Variants in COL3A1 observed in about 807,000 individuals in gnomAD.
COL3A1 encodes collagen type III alpha 1 chain, also known as collagen alpha-1(III) chain.
COL3A1 carries 46 observed loss-of-function variants against 200.9 expected under a neutral mutation model. The ratio of observed to expected loss-of-function variants is 0.23; its 90% confidence interval spans 0.18 to 0.29. The LOEUF (loss-of-function observed/expected upper bound fraction) is 0.29. Ranked by LOEUF, COL3A1 falls within the 10% of genes least tolerant of loss-of-function variation. The pLI, the probability that COL3A1 is intolerant of heterozygous loss-of-function variation, is 1.00. For synonymous variants in COL3A1, 650 were observed against 628.0 expected (o/e 1.03, Z -0.52); for missense variants, 1,367 against 1,917.6 (o/e 0.71, Z 5.36).
intron 35 of COL3A1, 65 bp from the exon 36 acceptor site, chr2:189,002,887 AAAT>A: frequency 8.5e-7 from 1 of 1,180,206 alleles, no homozygotes; most frequent in Non-Finnish European, 1.2e-6. Flanking sequence ...TTCTGAAGAG[AAAT>A]AATAATAAGC....
chr2:189,004,096 G>C lies in COL3A1; in HGVS notation c.2776G>C (p.Ala926Pro). The change falls in exon 39 of 51, where the codon GCT (alanine) becomes CCT (proline). Residue 926 changes from alanine to proline, a missense_variant. Ala to Pro is a conservative substitution (Grantham distance 27). Around this residue, in one of 5 missense-constraint regions of COL3A1, gnomAD observed 846 missense variants for 1,147.9 expected, o/e 0.74. Coordinates refer to ENST00000304636, the MANE Select transcript of COL3A1 (RefSeq NM_000090.4). ...TGGAGTGTCTGGACCAAAAGGTGATGCTGGCCAACCAGGAGAGAAGGGATC... is the reference window on the plus strand; with the variant it reads ...TGGAGTGTCTGGACCAAAAGGTGATCCTGGCCAACCAGGAGAGAAGGGATC... ...SPGVSGPKGDAGQPGEKGSPG... is the reference protein window; with the variant it reads ...SPGVSGPKGDPGQPGEKGSPG... The C allele has an allele frequency of 6.2e-7, 1 of 1,613,748 alleles. No individual in the cohort carries two copies. The highest frequency in any genetic ancestry group is 8.5e-7 in the Non-Finnish European group (1 of 1,179,988).
rs1305302992 is a variant in COL3A1 at position 189,005,475 on chromosome 2, T to C, written c.3039+18T>C. The C allele has an allele frequency of 1.9e-6, 3 of 1,588,190 alleles. No homozygotes were observed. Among genetic ancestry groups the C allele is most frequent in the Non-Finnish European group, 2.6e-6 (3 of 1,156,450 alleles). The stretch of plus-strand genomic sequence containing the variant: ...GAAGAGATGTGAGTAGCAGTTTTTA[T>C]TCAACCAGCCAGGTAGAATTTGATA... On this transcript the variant is annotated intron_variant, in intron 41 of 50. Coordinates refer to ENST00000304636, the MANE Select transcript of COL3A1 (RefSeq NM_000090.4).
intron 21 of COL3A1, 34 bp downstream of exon 21, chr2:188,995,133 T>C (rs1258340460): frequency 1.3e-6 from 2 of 1,593,306 alleles, no homozygotes; most frequent in African/African-American, 1.3e-5. Context: ...TCCTAAATGC[T>C]AGCACCACAA....
chr2:188,985,221 G>T lies in COL3A1; in HGVS notation c.307G>T (p.Gly103Ter). ...TAPTRPPNGQGPQGPKGDPGP... is the reference protein window; with the variant it reads ...TAPTRPPNGQ The stretch of plus-strand genomic sequence containing the variant: ...GCCTACTCGCCCTCCTAATGGTCAA[G>T]GACCTCAAGGCCCCAAGGGAGATCC... The change falls in exon 3 of 51, where the codon GGA (glycine) becomes TGA (stop). Residue 103 changes from glycine to a stop codon, truncating the protein, a stop_gained. Transcript: ENST00000304636. LOFTEE classifies it high-confidence loss of function. 1 of 1,612,262 alleles carries T rather than the reference G, an allele frequency of 6.2e-7. No homozygotes were observed. Among genetic ancestry groups the T allele is most frequent in the Non-Finnish European group, 8.5e-7 (1 of 1,178,646 alleles).
intron 1 of COL3A1, among the ~76,000 whole-genome samples, chr2:188,976,274 A>AT (rs1187828842): frequency 1.3e-5 from 2 of 151,312 alleles, no homozygotes; most frequent in African/African-American, 4.9e-5. Context: ...TTTCTTCCCA[A>AT]TCCAACTTTA....
intron 2 of COL3A1, 21 bp from the exon 3 acceptor site, chr2:188,985,176 T>G (rs1386206963): frequency 6.8e-6 from 11 of 1,610,498 alleles, no homozygotes; most frequent in Non-Finnish European, 9.3e-6. Flanking sequence ...TTGTTTAACT[T>G]GTTTCTTTTC....
At chr2:188,995,021 A>T in intron 20 of COL3A1, 25 bp from the exon 21 acceptor site, 1 of 1,613,172 alleles carries the variant, frequency 6.2e-7, no homozygotes, top group Non-Finnish European at 8.5e-7. Context: ...TTTGGACTGA[A>T]ATACTTGTCT....
chr2:189,006,640 C>A (rs577292427), intron 43 of COL3A1, among the ~76,000 whole-genome samples, 188 bp downstream of exon 43: 5 of 152,222 alleles, frequency 3.3e-5, no homozygotes, highest in African/African-American at 1.2e-4. Flanking sequence ...TGGCAGTAGT[C>A]AATAAAGAAT....
intron 41 of COL3A1, 100 bp from the exon 42 acceptor site, chr2:189,006,106 A>G: frequency 1.0e-5 from 13 of 1,269,074 alleles, no homozygotes; most frequent in African/African-American, 1.5e-5. Context: ...AACCAATTTT[A>G]ACCCCCTTGA....
chr2:188,979,417 A>G (rs1462402679), intron 1 of COL3A1, among the ~76,000 whole-genome samples: 1 of 151,898 alleles, frequency 6.6e-6, no homozygotes, highest in African/African-American at 2.4e-5. Context: ...CATCTTAAAC[A>G]TATTTTTGCA....
chr2:189,007,992 C>CAGAA, intron 46 of COL3A1, 43 bp from the exon 47 acceptor site: 1 of 1,613,840 alleles, frequency 6.2e-7, no homozygotes, highest in African/African-American at 1.3e-5. Flanking sequence ...GTCTGCATTT[C>CAGAA]AGAAAGATAT....
rs767262368 is a variant in COL3A1 at position 189,003,425 on chromosome 2, C to T, written c.2568C>T (p.Pro856=). 1 of 1,613,186 alleles carries T rather than the reference C, an allele frequency of 6.2e-7. No individual in the cohort carries two copies. Among genetic ancestry groups the T allele is most frequent in the Non-Finnish European group, 8.5e-7 (1 of 1,179,726 alleles). The change falls in exon 37 of 51, where the codon CCC becomes CCT. Residue 856 remains proline (P), a synonymous_variant. Coordinates refer to ENST00000304636, the MANE Select transcript of COL3A1 (RefSeq NM_000090.4). ...ATTTCATATAGGGTCCTCCTGGTCC[C>T]CAAGGTGTCAAAGGTGAACGTGGCA... ...GGSGPAGPPG[P]QGVKGERGSP...
In COL3A1 at chr2:188,974,464, A is replaced by G; in HGVS notation, c.-26A>G. ...GCTTTTCTTTTCTCCTTTTTGCACA[A>G]AGAGTCTCATGTCTGATATTTAGAC... On this transcript the variant is annotated 5_prime_UTR_variant, in exon 1 of 51. Coordinates refer to ENST00000304636, the MANE Select transcript of COL3A1 (RefSeq NM_000090.4). 6.3e-7 allele frequency: 1 copy of G among 1,591,104 alleles called. No individual in the cohort carries two copies. The highest frequency in any genetic ancestry group is 8.6e-7 in the Non-Finnish European group (1 of 1,159,534).
rs534021448 is a variant in COL3A1 at position 188,981,305 on chromosome 2, A to G, written c.80-3455A>G. The stretch of plus-strand genomic sequence containing the variant: ...ATGTGTTAGCTTCAATATGTTTTAT[A>G]TTATAGATCCCAGCAAGGAGATGAT... On this transcript the variant is annotated intron_variant, in intron 1 of 50. Coordinates refer to ENST00000304636, the MANE Select transcript of COL3A1 (RefSeq NM_000090.4). Among the ~76,000 whole-genome samples the G allele has an allele frequency of 1.3e-4, 19 of 151,660 alleles. No homozygotes were observed. In the East Asian group the frequency reaches 3.1e-3, roughly 25 times the overall value.
intron 1 of COL3A1, among the ~76,000 whole-genome samples, chr2:188,976,066 T>C (rs1468813376): frequency 1.3e-5 from 2 of 151,858 alleles, no homozygotes; most frequent in Non-Finnish European, 2.9e-5. Context: ...TTCTCATTCC[T>C]CTCCCCTTTT....
Position 188,989,428 on chromosome 2 carries a change from A to G in COL3A1, c.669A>G (p.Pro223=), listed in dbSNP as rs1034042392. The change falls in exon 8 of 51, where the codon CCA becomes CCG. Residue 223 remains proline (P), a synonymous_variant. Coordinates refer to ENST00000304636, the MANE Select transcript of COL3A1 (RefSeq NM_000090.4). ...GPPGPPGAIG[P]SGPAGKDGES... Reference sequence around the variant, plus strand: ...CAGGACCTCCTGGTGCTATAGGTCCATCTGGTCCTGCTGGAAAAGATGTAA... The same window carrying G: ...CAGGACCTCCTGGTGCTATAGGTCCGTCTGGTCCTGCTGGAAAAGATGTAA... The G allele has an allele frequency of 6.2e-7, 1 of 1,607,724 alleles. No individual in the cohort carries two copies. The highest frequency in any genetic ancestry group is 8.5e-7 in the Non-Finnish European group (1 of 1,176,960).
In COL3A1 at chr2:188,996,173, C is replaced by T. The variant is rs752163277; in HGVS notation, c.1657C>T (p.Pro553Ser). ...GGPGSDGKPGPPGSQGESGRP... is the reference protein window; with the variant it reads ...GGPGSDGKPGSPGSQGESGRP... The stretch of plus-strand genomic sequence containing the variant: ...ACCAGGAAGTGATGGGAAACCAGGG[C>T]CTCCCGTATGTACATTTTTAAAATC... Residue 553 changes from proline to serine, a missense_variant, in exon 23 of 51, where the codon CCT (proline) becomes TCT (serine). Transcript: ENST00000304636. The T allele has an allele frequency of 3.7e-6, 6 of 1,613,036 alleles. No homozygotes were observed. The highest frequency in any genetic ancestry group is 1.7e-5 in the Admixed American group (1 of 59,948).
Position 188,995,737 on chromosome 2 carries a change from G to A in COL3A1, c.1555G>A (p.Gly519Arg). 1 of 1,567,566 alleles carries A rather than the reference G, an allele frequency of 6.4e-7. No individual in the cohort carries two copies. Among genetic ancestry groups the A allele is most frequent in the Non-Finnish European group, 8.7e-7 (1 of 1,155,530 alleles). The change falls in exon 22 of 51, where the codon GGA becomes AGA. Residue 519 changes from glycine (G) to arginine (R), a missense_variant. Gly to Arg is a moderately radical substitution (Grantham distance 125). Around this residue, in one of 5 missense-constraint regions of COL3A1, gnomAD observed 462 missense variants for 681.4 expected, o/e 0.68. Transcript: ENST00000304636. ...RGAPGPAGPR[G>R]AAGEPGRDGV... The stretch of plus-strand genomic sequence containing the variant: ...TGCTCCAGGCCCTGCAGGGCCCAGA[G>A]GAGCTGCTGGAGAACCTGGCAGAGA...
At chr2:188,975,127 A>G (rs1431639969) in intron 1 of COL3A1, among the ~76,000 whole-genome samples, 1 of 152,218 alleles carries the variant, frequency 6.6e-6, no homozygotes, top group Non-Finnish European at 1.5e-5. Flanking sequence ...CAAACTGCTA[A>G]AATATTTTAT....
Sources: gnomAD v4.1 joint callset for allele counts (sites outside exome capture counted in the v4.1 genomes callset) on GRCh38, gnomAD v4.1.1 for gene constraint, gnomAD v4.1.1 regional missense constraint, MANE v1.5 for transcripts, NCBI Gene and HGNC (gene_info 2026-07-23, HGNC 2026-07-21) for gene names.